The following HCRTR2 variants were observed in gnomAD, a reference collection of about 807,000 sequenced individuals.
HCRTR2 encodes the protein orexin receptor type 2.
Under a neutral mutation model 49.0 loss-of-function variants are expected in HCRTR2, and 22 were observed. The observed-to-expected ratio is 0.45, with a 90% confidence interval of 0.32 to 0.64. HCRTR2 has a LOEUF of 0.64. Ranked by LOEUF, HCRTR2 falls within the 30% of genes least tolerant of loss-of-function variation. The pLI is 0.04. For missense variants in HCRTR2, 491 were observed against 559.4 expected (o/e 0.88, Z 1.23); for synonymous variants, 236 against 205.3 (o/e 1.15, Z -1.28).
chr6:55,208,224 C>T lies in HCRTR2; in HGVS notation c.223+33414C>T, dbSNP rs11965705. On this transcript the variant is annotated intron_variant, in intron 1 of 6. Transcript: ENST00000370862. ...GCATGGTGGCTCACACCTGTAATCC[C>T]AGCACTTCGGGAGGCAGAGGCTGGT... Among the ~76,000 whole-genome samples, 1,255 of 151,726 alleles carry T rather than the reference C, an allele frequency of 8.3e-3. 19 individuals carry two copies. Among genetic ancestry groups the T allele is most frequent in the African/African-American group, 0.028 (1,169 of 41,330 alleles).
At chr6:55,228,772 A>C (rs1351958392) in intron 1 of HCRTR2, among the ~76,000 whole-genome samples, 5 of 152,192 alleles carry the variant, frequency 3.3e-5, no homozygotes, top group Non-Finnish European at 7.3e-5. Context: ...TAAAAATTTT[A>C]ATCTCTTTTT....
intron 1 of HCRTR2, among the ~76,000 whole-genome samples, chr6:55,152,572 T>C (rs1445930616): frequency 6.6e-6 from 1 of 151,942 alleles, no homozygotes; most frequent in Non-Finnish European, 1.5e-5. Context: ...AAACAGAAAT[T>C]TATTTGCCAA....
chr6:55,143,287 T>C (rs940233887), intron 1 of HCRTR2, among the ~76,000 whole-genome samples: 1 of 152,100 alleles, frequency 6.6e-6, no homozygotes, highest in Admixed American at 6.5e-5. Flanking sequence ...CATCCTTATC[T>C]ACAATGTCTT....
intron 1 of HCRTR2, among the ~76,000 whole-genome samples, chr6:55,134,279 G>A (rs747556043): frequency 1.3e-5 from 2 of 151,436 alleles, no homozygotes; most frequent in South Asian, 2.1e-4. Flanking sequence ...ATCTTTTCAA[G>A]CAAAACAGAA....
chr6:55,228,972 G>A (rs1453816071), intron 1 of HCRTR2, among the ~76,000 whole-genome samples: 1 of 152,006 alleles, frequency 6.6e-6, no homozygotes, highest in African/African-American at 2.4e-5. Context: ...CCACTAAGTA[G>A]GGTTGCTTCA....
intron 1 of HCRTR2, among the ~76,000 whole-genome samples, chr6:55,217,867 T>C (rs1026101122): frequency 6.6e-6 from 1 of 152,162 alleles, no homozygotes; most frequent in African/African-American, 2.4e-5. Flanking sequence ...CATTTTTAGG[T>C]TGAGCATCAG....
At chr6:55,261,361 G>C (rs1024227637) in intron 3 of HCRTR2, among the ~76,000 whole-genome samples, 4 of 151,952 alleles carry the variant, frequency 2.6e-5, no homozygotes, top group African/African-American at 9.7e-5. Flanking sequence ...CTAAGAATCA[G>C]GGAAATGCAA....
chr6:55,144,507 C>G (rs939006269), intron 1 of HCRTR2, among the ~76,000 whole-genome samples: 1 of 152,058 alleles, frequency 6.6e-6, no homozygotes, highest in Non-Finnish European at 1.5e-5. Context: ...CTTCTTGGTA[C>G]CAGGGCCAGT....
rs1288009992 is a variant in HCRTR2 at position 55,179,233 on chromosome 6, T to C, written c.223+4423T>C. 4.6e-5 allele frequency among the ~76,000 whole-genome samples: 7 copies of C among 152,130 alleles called. No individual in the cohort carries two copies. In the East Asian group the frequency reaches 1.4e-3, roughly 30 times the overall value. On this transcript the variant is annotated intron_variant, in intron 1 of 6. Coordinates refer to ENST00000370862, the MANE Select transcript of HCRTR2 (RefSeq NM_001384272.1). ...AGTTTCATGGGTGTTTGTAAACCCATCCTTACCTACACAGGAAGCAAAAAG... is the reference window on the plus strand; with the variant it reads ...AGTTTCATGGGTGTTTGTAAACCCACCCTTACCTACACAGGAAGCAAAAAG...
chr6:55,114,754 T>C (rs1442325481), intron 1 of HCRTR2, among the ~76,000 whole-genome samples: 2 of 151,720 alleles, frequency 1.3e-5, no homozygotes, highest in African/African-American at 4.8e-5. Context: ...AAATTAATGC[T>C]CGTATTTTTA....
chr6:55,217,612 C>G (rs551991362), intron 1 of HCRTR2, among the ~76,000 whole-genome samples: 83 of 152,212 alleles, frequency 5.5e-4, no homozygotes, highest in Middle Eastern at 3.4e-3. Context: ...GGTTCTGATA[C>G]CTTGTTCCCC....
At chr6:55,228,390 C>T (rs1183929175) in intron 1 of HCRTR2, among the ~76,000 whole-genome samples, 3 of 152,098 alleles carry the variant, frequency 2.0e-5, no homozygotes, top group African/African-American at 7.2e-5. Flanking sequence ...TACCTTAAAG[C>T]TGAAATTCAG....
At chr6:55,129,549 T>G (rs1021185271) in intron 1 of HCRTR2, among the ~76,000 whole-genome samples, 1 of 152,076 alleles carries the variant, frequency 6.6e-6, no homozygotes, top group African/African-American at 2.4e-5. Flanking sequence ...AACTAGAAAT[T>G]TACAAGTTAT....
intron 1 of HCRTR2, among the ~76,000 whole-genome samples, chr6:55,220,192 T>C (rs1765865837): frequency 6.6e-6 from 1 of 152,196 alleles, no homozygotes; most frequent in Non-Finnish European, 1.5e-5. Context: ...AAACTCATTT[T>C]ATGAGTCCAG....
At chr6:55,247,136 G>T (rs552941504) in intron 1 of HCRTR2, among the ~76,000 whole-genome samples, 1 of 151,982 alleles carries the variant, frequency 6.6e-6, no homozygotes, top group East Asian at 1.9e-4. Flanking sequence ...GGGTGGGTTT[G>T]TGTGTGTGTG....
intron 1 of HCRTR2, among the ~76,000 whole-genome samples, chr6:55,235,789 G>A (rs949217920): frequency 2.0e-5 from 3 of 151,968 alleles, no homozygotes; most frequent in Admixed American, 6.6e-5. Flanking sequence ...CCTTATATAC[G>A]TAGGTGTGGA....
At chr6:55,195,692 C>T (rs1312492697) in intron 1 of HCRTR2, among the ~76,000 whole-genome samples, 3 of 152,058 alleles carry the variant, frequency 2.0e-5, no homozygotes, top group African/African-American at 7.2e-5. Context: ...GTATTCATGG[C>T]CGGGCGTGGT....
At chr6:55,258,373 T>A (rs535060310) in intron 3 of HCRTR2, among the ~76,000 whole-genome samples, 1 of 152,246 alleles carries the variant, frequency 6.6e-6, no homozygotes, top group South Asian at 2.1e-4. Context: ...TTGATACATA[T>A]CTATCAAATA....
chr6:55,174,510 C>G (rs1764999891), upstream of HCRTR2: 1 of 1,249,788 alleles, frequency 8.0e-7, no homozygotes, highest in Admixed American at 1.7e-5. Flanking sequence ...GCAGCCTTTC[C>G]CACCGCAAAT....
Sources: gnomAD v4.1 joint callset for allele counts (sites outside exome capture counted in the v4.1 genomes callset) on GRCh38, gnomAD v4.1.1 for gene constraint, MANE v1.5 for transcripts, NCBI Gene and HGNC (gene_info 2026-07-23, HGNC 2026-07-21) for gene names.